The following PTPRU variants were observed in gnomAD, a reference collection of about 807,000 sequenced individuals.
PTPRU encodes the protein receptor-type tyrosine-protein phosphatase U.
In PTPRU, 69 loss-of-function variants were observed where a neutral mutation model predicts 166.3. That is an observed-to-expected ratio of 0.41 (90% confidence interval 0.34 to 0.51). The LOEUF is 0.51. Among genes scored for constraint, PTPRU ranks in the 20% least tolerant of loss-of-function variants. The pLI is 0.09. For missense variants in PTPRU, 1,657 were observed against 2,013.7 expected (o/e 0.82, Z 3.39); for synonymous variants, 793 against 814.0 (o/e 0.97, Z 0.44).
intron 1 of PTPRU, among the ~76,000 whole-genome samples, chr1:29,247,353 C>T (rs1324914645): frequency 6.6e-6 from 1 of 152,218 alleles, no homozygotes; most frequent in African/African-American, 2.4e-5. Context: ...CATGCTGTAC[C>T]AGATGTCTGT....
chr1:29,266,690 T>C (rs1685320283), intron 7 of PTPRU, among the ~76,000 whole-genome samples: 1 of 152,216 alleles, frequency 6.6e-6, no homozygotes, highest in Admixed American at 6.5e-5. Flanking sequence ...CAACGAATGC[T>C]TATTGAGTGT....
chr1:29,242,651 C>G (rs1684108584), intron 1 of PTPRU, among the ~76,000 whole-genome samples: 1 of 152,212 alleles, frequency 6.6e-6, no homozygotes. Context: ...GAGAACATTT[C>G]CATCCTCTCA....
chr1:29,260,131 G>C lies in PTPRU; in HGVS notation c.850+87G>C. The stretch of plus-strand genomic sequence containing the variant: ...GGGGCGGGCTCTGCCCGGGGGCGTG[G>C]CCGTGGGGGGTGGGGCCGGCAGGGT... On this transcript the variant is annotated intron_variant, in intron 6 of 29. Coordinates refer to ENST00000373779, the MANE Select transcript of PTPRU (RefSeq NM_133178.4). This position sits in a 1 kb window ranked among gnomAD's most constrained non-coding sequence, Gnocchi z 8.3. 10 of 1,224,050 alleles carry C rather than the reference G, an allele frequency of 8.2e-6. No individual in the cohort carries two copies. Among genetic ancestry groups the C allele is most frequent in the African/African-American group, 6.5e-5 (4 of 61,794 alleles). 75.8% of individuals were successfully genotyped at this position (1,224,050 alleles called of 1,614,324 possible). A position where few individuals can be genotyped will look rare whatever the true frequency, so the allele number is the denominator to read the frequency against.
intron 15 of PTPRU, among the ~76,000 whole-genome samples, chr1:29,302,967 A>G (rs1687203731): frequency 6.6e-6 from 1 of 152,234 alleles, no homozygotes; most frequent in African/African-American, 2.4e-5. Context: ...CGTAGGAGCA[A>G]TAGGCTATGC....
In PTPRU at chr1:29,275,882, A is replaced by G. The variant is rs1574648874; in HGVS notation, c.1453+126A>G. The stretch of plus-strand genomic sequence containing the variant: ...CTTAGGATTAAACCAACTGTATAAC[A>G]CCAAAGTAGTGATAGCTCCTATTTT... On this transcript the variant is annotated intron_variant, in intron 8 of 29. Transcript: ENST00000373779. The G allele has an allele frequency of 1.9e-5, 20 of 1,037,386 alleles. No individual in the cohort carries two copies. The East Asian group carries it at 5.2e-4, about 27-fold the overall frequency. The allele number at this position is 1,037,386 out of a possible 1,614,324, so 64.3% of individuals were successfully genotyped here.
In PTPRU at chr1:29,315,143, T is replaced by C. The variant is rs1334519015; in HGVS notation, c.3228-229T>C. On this transcript the variant is annotated intron_variant, in intron 22 of 29. Coordinates refer to ENST00000373779, the MANE Select transcript of PTPRU (RefSeq NM_133178.4). The surrounding 1 kb of genome is among the most constrained non-coding windows in gnomAD (Gnocchi z 4.5). ...ACCTTTGCATTCTCCCCACCCTCTC[T>C]CCTCTCCTTCCCTGAGGCCCATCCC... 6.6e-6 allele frequency among the ~76,000 whole-genome samples: 1 copy of C among 152,096 alleles called. No homozygotes were observed. The highest frequency in any genetic ancestry group is 2.4e-5 in the African/African-American group (1 of 41,412).
chr1:29,316,408 A>C (rs1687903225), intron 24 of PTPRU, among the ~76,000 whole-genome samples: 1 of 152,228 alleles, frequency 6.6e-6, no homozygotes, highest in East Asian at 1.9e-4. Flanking sequence ...AAGAGCTGTG[A>C]GTATCCTTGA....
intron 26 of PTPRU, among the ~76,000 whole-genome samples, chr1:29,322,414 G>A (rs927704017): frequency 5.9e-5 from 9 of 152,190 alleles, no homozygotes; most frequent in Non-Finnish European, 1.3e-4. Context: ...AGAGAAGTCC[G>A]GGGGATCATG....
At chr1:29,302,311 T>A (rs543537188) in intron 15 of PTPRU, among the ~76,000 whole-genome samples, 1 of 152,288 alleles carries the variant, frequency 6.6e-6, no homozygotes, top group Admixed American at 6.5e-5. Context: ...AGTCAAAAAA[T>A]TCAAATTAAA....
At chr1:29,245,771 G>A (rs1291341511) in intron 1 of PTPRU, among the ~76,000 whole-genome samples, 1 of 152,156 alleles carries the variant, frequency 6.6e-6, no homozygotes, top group Non-Finnish European at 1.5e-5. Flanking sequence ...GAATTCTCCT[G>A]GGTTTCTGGG....
intron 1 of PTPRU, among the ~76,000 whole-genome samples, chr1:29,240,565 A>G (rs1684002954): frequency 6.6e-6 from 1 of 152,052 alleles, no homozygotes. Flanking sequence ...TGTTGTGAAA[A>G]GGCCATGTTG....
chr1:29,283,063 C>G (rs1686165183), intron 12 of PTPRU, 114 bp downstream of exon 12: 2 of 1,434,492 alleles, frequency 1.4e-6, no homozygotes, highest in African/African-American at 2.8e-5. Context: ...TCCCATAGCC[C>G]CACCTCCCAT....
intron 1 of PTPRU, among the ~76,000 whole-genome samples, chr1:29,244,577 G>T (rs1684207063): frequency 1.3e-5 from 2 of 152,068 alleles, no homozygotes; most frequent in Admixed American, 6.5e-5. Flanking sequence ...TTGTGGCTGG[G>T]CATGCCTGTC....
At chr1:29,274,521 T>A (rs1197963172) in intron 7 of PTPRU, among the ~76,000 whole-genome samples, 1 of 152,228 alleles carries the variant, frequency 6.6e-6, no homozygotes, top group Admixed American at 6.5e-5. Flanking sequence ...TAGGACCTAA[T>A]GTCATGTATT....
At chr1:29,318,162 A>C (rs1557486897) in intron 25 of PTPRU, among the ~76,000 whole-genome samples, 1 of 152,074 alleles carries the variant, frequency 6.6e-6, no homozygotes. Flanking sequence ...GGCTGTCTCC[A>C]AGATTAGGCC....
Position 29,291,793 on chromosome 1 carries a change from A to G in PTPRU, c.2319-76A>G. On this transcript the variant is annotated intron_variant, in intron 14 of 29. Transcript: ENST00000373779. This position sits in a 1 kb window ranked among gnomAD's most constrained non-coding sequence, Gnocchi z 4.1. ...CCTGGCCTTGAGGTCCCCTTACTCC[A>G]GGGCCTCCCCAGCCACCTCTGGGTG... is the stretch of plus-strand genomic sequence containing the variant. 1 of 1,514,352 alleles carries G rather than the reference A, an allele frequency of 6.6e-7. No homozygotes were observed. The highest frequency in any genetic ancestry group is 1.2e-5 in the South Asian group (1 of 81,642). The allele number at this position is 1,514,352 out of a possible 1,614,324, so 93.8% of individuals were successfully genotyped here. A position where few individuals can be genotyped will look rare whatever the true frequency, so the allele number is the denominator to read the frequency against.
chr1:29,315,347 T>C lies in PTPRU; in HGVS notation c.3228-25T>C. 1 of 1,613,830 alleles carries C rather than the reference T, an allele frequency of 6.2e-7. No individual in the cohort carries two copies. Among genetic ancestry groups the C allele is most frequent in the Non-Finnish European group, 8.5e-7 (1 of 1,179,992 alleles). ...GGGCTTCCTCCCCAAAGCTCTGACC[T>C]GGTCTGGGGCTGCTCTCTCTCCAGC... is the stretch of plus-strand genomic sequence containing the variant. On this transcript the variant is annotated intron_variant, in intron 22 of 29. Transcript: ENST00000373779. The surrounding 1 kb of genome is among the most constrained non-coding windows in gnomAD (Gnocchi z 4.5).
chr1:29,287,593 GT>G lies in PTPRU; in HGVS notation c.2318+2744del, dbSNP rs34816026. On this transcript the variant is annotated intron_variant, in intron 14 of 29. Transcript: ENST00000373779. ...ATTATTAACCTCACTGTGTATGTAT[GT>G]TTTTTTTTTTTTTTTTTTTAAATGG... Among the ~76,000 whole-genome samples the G allele has an allele frequency of 3.4e-3, 439 of 129,896 alleles. 1 individual carries two copies. Among genetic ancestry groups the G allele is most frequent in the Middle Eastern group, 0.012 (3 of 244 alleles). The allele number at this position is 129,896 out of a possible 152,430, so 85.2% of individuals were successfully genotyped here.
At position 29,258,549 on chromosome 1, in the gene PTPRU, C is replaced by T. The variant is rs777263174; in HGVS notation, c.250C>T (p.Arg84Ter). The part of the protein sequence containing the change: ...VNTSQHAPGQ[R>*]AHVIFQSLSE... ...CACTTCCCAGCATGCCCCAGGCCAG[C>T]GAGCCCATGTCATCTTCCAGAGCCT... The change falls in exon 3 of 30, where the codon CGA becomes TGA. Residue 84 changes from arginine (R) to a stop codon, truncating the protein, a stop_gained. Coordinates refer to ENST00000373779, the MANE Select transcript of PTPRU (RefSeq NM_133178.4). LOFTEE classifies it high-confidence loss of function. 6 of 1,614,046 alleles carry T rather than the reference C, an allele frequency of 3.7e-6. No individual in the cohort carries two copies. Among genetic ancestry groups the T allele is most frequent in the East Asian group, 2.2e-5 (1 of 44,890 alleles).
Sources: allele counts gnomAD v4.1 joint callset (sites outside exome capture counted in the v4.1 genomes callset), GRCh38; gene constraint gnomAD v4.1.1; non-coding constraint Gnocchi (gnomAD v3.1); transcripts MANE v1.5; gene names NCBI Gene and HGNC (gene_info 2026-07-23, HGNC 2026-07-21).